Variants in PRDM14 observed in about 807,000 individuals in gnomAD.
PRDM14 encodes the protein PR domain zinc finger protein 14.
In PRDM14, 16 loss-of-function variants were observed where a neutral mutation model predicts 48.0. That is an observed-to-expected ratio of 0.33 (90% CI 0.23 to 0.51). The LOEUF (loss-of-function observed/expected upper bound fraction) is 0.51, where lower values mean the gene tolerates loss of function less well. Among genes scored for constraint, PRDM14 ranks in the 20% least tolerant of loss-of-function variants. The pLI is 0.97. For synonymous variants in PRDM14, 264 were observed against 276.6 expected, an observed-to-expected ratio of 0.95 and a Z score of 0.45; for missense variants, 566 against 719.6, an observed-to-expected ratio of 0.79 and a Z score of 2.44.
chr8:70,066,505 T>C lies in PRDM14; in HGVS notation c.913A>G (p.Ile305Val). 1 of 1,610,924 alleles carries C rather than the reference T, an allele frequency of 6.2e-7. No individual in the cohort carries two copies. Among genetic ancestry groups the C allele is most frequent in the Non-Finnish European group, 8.5e-7 (1 of 1,178,500 alleles). ...TGGCTCAAATGACCATCTTCAAAGA[T>C]CTAAATGAAATAAGACATGAAGTTT... ...TYGDNSVMWE[I>V]FEDGHLSHFI... The change falls in exon 5 of 8, where the codon ATC becomes GTC. Residue 305 changes from isoleucine to valine, a missense_variant and splice_region_variant. Coordinates refer to ENST00000276594, the MANE Select transcript of PRDM14 (RefSeq NM_024504.4).
rs770837607 is a variant in PRDM14, at chr8:70,068,556, A to G, written c.701-24T>C. The stretch of plus-strand genomic sequence containing the variant: ...TCCTAGCAAAAGGCAGGTTAAAACA[A>G]TTTTTCATTAAAAATGCATTATAAA... On this transcript the variant is annotated intron_variant, in intron 2 of 7. Transcript: ENST00000276594. The G allele has an allele frequency of 1.9e-6, 3 of 1,608,986 alleles. No homozygotes were observed. The Admixed American group carries it at 5.0e-5, about 27-fold the overall frequency.
chr8:70,064,326 T>G (rs1419770412), intron 5 of PRDM14, among the ~76,000 whole-genome samples: 1 of 152,096 alleles, frequency 6.6e-6, no homozygotes, highest in African/African-American at 2.4e-5. Flanking sequence ...TGAGCCTGAT[T>G]GCCTTCCCTC....
At chr8:70,068,584 G>T in intron 2 of PRDM14, 52 bp from the exon 3 acceptor site, 1 of 1,467,244 alleles carries the variant, frequency 6.8e-7, no homozygotes, top group Admixed American at 1.7e-5. Context: ...ATTATAAAGT[G>T]CTTTTATGAG....
At chr8:70,066,834 T>C (rs1805676917) in intron 4 of PRDM14, among the ~76,000 whole-genome samples, 1 of 152,100 alleles carries the variant, frequency 6.6e-6, no homozygotes, top group Non-Finnish European at 1.5e-5. Context: ...CAAATGATCC[T>C]CCCACCTTAG....
intron 4 of PRDM14, 94 bp from the exon 5 acceptor site, chr8:70,066,599 CTT>C (rs1161529329): frequency 2.2e-6 from 2 of 914,338 alleles, no homozygotes; most frequent in Non-Finnish European, 3.4e-6. Context: ...AAATATCACA[CTT>C]GAGTCCACCA....
At chr8:70,068,855 G>A (rs896339971) in intron 2 of PRDM14, among the ~76,000 whole-genome samples, 2 of 152,200 alleles carry the variant, frequency 1.3e-5, no homozygotes, top group African/African-American at 4.8e-5. Context: ...AGCTGGGACT[G>A]TTAGGTGTGA....
intron 5 of PRDM14, among the ~76,000 whole-genome samples, chr8:70,062,978 G>A (rs1272328412): frequency 6.6e-6 from 1 of 151,594 alleles, no homozygotes; most frequent in Non-Finnish European, 1.5e-5. Flanking sequence ...CATTTAGGTT[G>A]TTTGTGATTT....
rs1406969533 is a variant in PRDM14, at chr8:70,067,410, CG to C, written c.912+819del. Among the ~76,000 whole-genome samples, 3 of 151,420 alleles carry C rather than the reference CG, an allele frequency of 2.0e-5. No individual in the cohort carries two copies. In the South Asian group the frequency reaches 6.2e-4, roughly 31 times the overall value. On this transcript the variant is annotated intron_variant, in intron 4 of 7. Transcript: ENST00000276594. ...GCACATGCCTGTAATCCTAGCTACT[CG>C]GAAGACTGAGGCAAGAGAATTGCTT...
At chr8:70,062,574 C>T (rs373219115) in intron 5 of PRDM14, among the ~76,000 whole-genome samples, 7 of 151,984 alleles carry the variant, frequency 4.6e-5, no homozygotes, top group East Asian at 3.9e-4. Flanking sequence ...AGCGATTATC[C>T]GGCTCCAGCC....
intron 7 of PRDM14, among the ~76,000 whole-genome samples, 184 bp downstream of exon 7, chr8:70,055,113 TAGG>T (rs899508793): frequency 6.6e-6 from 1 of 152,220 alleles, no homozygotes; most frequent in African/African-American, 2.4e-5. Context: ...AGCTTGGCAA[TAGG>T]AGGTTGGTTA....
In PRDM14 at chr8:70,069,709, T is replaced by C. The variant is rs1289864820; in HGVS notation, c.152A>G (p.Gln51Arg). The change falls in exon 2 of 8, where the codon CAA (glutamine) becomes CGA (arginine). Residue 51 changes from glutamine to arginine, a missense_variant. Physicochemically the swap from Gln to Arg is conservative, Grantham distance 43. Transcript: ENST00000276594. Reference sequence around the variant, plus strand: ...TGCGGCCTCCAGCTGCCGGAAAGGTTGGAAGTCTTCCTCCACGGTGGCCAG... The same window carrying C: ...TGCGGCCTCCAGCTGCCGGAAAGGTCGGAAGTCTTCCTCCACGGTGGCCAG... Reference protein sequence around the residue: ...NSLATVEEDFQPFRQLEAAAS... With the variant: ...NSLATVEEDFRPFRQLEAAAS... 2 of 1,571,334 alleles carry C rather than the reference T, an allele frequency of 1.3e-6. No individual in the cohort carries two copies. Among genetic ancestry groups the C allele is most frequent in the Non-Finnish European group, 1.7e-6 (2 of 1,158,076 alleles).
rs535369167 is a variant in PRDM14 at position 70,054,064 on chromosome 8, T to G, written c.1488+1236A>C. 7.4e-4 allele frequency among the ~76,000 whole-genome samples: 112 copies of G among 152,340 alleles called. 2 individuals are homozygous for G. The South Asian group carries it at 0.023, about 31-fold the overall frequency. ...ACTAATTGAAATAGCCACATATGAT[T>G]AACCGCGAACTGCACATTGGGTAGC... is the stretch of plus-strand genomic sequence containing the variant. On this transcript the variant is annotated intron_variant, in intron 7 of 7. Coordinates refer to ENST00000276594, the MANE Select transcript of PRDM14 (RefSeq NM_024504.4).
rs188708810 is a variant in PRDM14 at position 70,063,737 on chromosome 8, G to C, written c.1183+2498C>G. On this transcript the variant is annotated intron_variant, in intron 5 of 7. Transcript: ENST00000276594. ...GGAGTTTCACCATGTTGGCCAGGCTGGTCGTGAACTCCTGACCTCAGGTGA... is the reference window on the plus strand; with the variant it reads ...GGAGTTTCACCATGTTGGCCAGGCTCGTCGTGAACTCCTGACCTCAGGTGA... Among the ~76,000 whole-genome samples the C allele has an allele frequency of 2.9e-4, 44 of 152,208 alleles. No homozygotes were observed. The East Asian group carries it at 5.4e-3, about 19-fold the overall frequency.
intron 5 of PRDM14, among the ~76,000 whole-genome samples, chr8:70,060,980 A>G (rs1052108235): frequency 6.6e-6 from 1 of 152,240 alleles, no homozygotes; most frequent in African/African-American, 2.4e-5. Context: ...TCCCTAATGC[A>G]CAGGGTTACC....
rs1423232475 is a variant in PRDM14 at position 70,052,110 on chromosome 8, G to C, written c.1683C>G (p.Phe561Leu). ...CTTCATGAAACTTCATGTGGGAGTA[G>C]AATGTTTCTTGATCTGAGAAGATTT... The part of the protein sequence containing the change: ...CGKIFSDQET[F>L]YSHMKFHEDY The change falls in exon 8 of 8, where the codon TTC becomes TTG. Residue 561 changes from phenylalanine (F) to leucine (L), a missense_variant. Physicochemically the swap from Phe to Leu is conservative, Grantham distance 22. This residue lies in a region of PRDM14 where 30 missense variants were observed against 23.4 expected (regional missense o/e 1.28). Transcript: ENST00000276594. 1 of 1,611,324 alleles carries C rather than the reference G, an allele frequency of 6.2e-7. No individual in the cohort carries two copies. Among genetic ancestry groups the C allele is most frequent in the Non-Finnish European group, 8.5e-7 (1 of 1,179,040 alleles).
chr8:70,060,399 GA>G (rs766304029), intron 5 of PRDM14, among the ~76,000 whole-genome samples: 2,820 of 104,626 alleles, frequency 0.027, 45 homozygotes, highest in Middle Eastern at 0.068. Context: ...ACTTTGTCTC[GA>G]AAAAAAAAAA....
At chr8:70,067,806 T>C (rs1200651212) in intron 4 of PRDM14, among the ~76,000 whole-genome samples, 2 of 152,204 alleles carry the variant, frequency 1.3e-5, no homozygotes, top group African/African-American at 4.8e-5. Flanking sequence ...CACTAGATCT[T>C]GAAGAGTATC....
intron 7 of PRDM14, 74 bp from the exon 8 acceptor site, chr8:70,052,378 G>T: frequency 1.6e-6 from 2 of 1,240,506 alleles, no homozygotes; most frequent in Non-Finnish European, 2.3e-6. Context: ...AAACTAAGGG[G>T]TAAATTTCAC....
In PRDM14 at chr8:70,069,523, G is replaced by A; in HGVS notation, c.338C>T (p.Pro113Leu). The A allele has an allele frequency of 1.9e-6, 3 of 1,605,046 alleles. No homozygotes were observed. Among genetic ancestry groups the A allele is most frequent in the Non-Finnish European group, 2.6e-6 (3 of 1,175,146 alleles). ...PIPHVPREVP[P>L]FLSSSHEYAG... The stretch of plus-strand genomic sequence containing the variant: ...GTACTCGTGGCTGCTGCTCAGGAAG[G>A]GCGGCACTTCCCTGGGGACGTGGGG... Residue 113 changes from proline to leucine, a missense_variant, in exon 2 of 8, where the codon CCC (proline) becomes CTC (leucine). By Grantham distance (98) the Pro-to-Leu change is moderately conservative. This residue lies in a region of PRDM14 where 410 missense variants were observed against 424.6 expected (regional missense o/e 0.97). Coordinates refer to ENST00000276594, the MANE Select transcript of PRDM14 (RefSeq NM_024504.4).
Sources: allele counts gnomAD v4.1 joint callset (sites outside exome capture counted in the v4.1 genomes callset), GRCh38; gene constraint gnomAD v4.1.1; regional missense constraint gnomAD v4.1.1; transcripts MANE v1.5; gene names NCBI Gene and HGNC (gene_info 2026-07-23, HGNC 2026-07-21).